Variants in RAB1A observed in about 807,000 individuals in gnomAD.
RAB1A encodes the protein RAB1A, member RAS oncogene family.
A neutral mutation model predicts 26.0 loss-of-function variants in RAB1A; 2 were observed. The observed-to-expected ratio is 0.08, with a 90% CI of 0.03 to 0.24. The LOEUF (loss-of-function observed/expected upper bound fraction) is 0.24, where lower values mean the gene tolerates loss of function less well. Among genes scored for constraint, RAB1A ranks in the 10% least tolerant of loss-of-function variants. The pLI is 1.00. For synonymous variants in RAB1A, 84 were observed against 84.9 expected (o/e 0.99, Z 0.06); for missense variants, 100 against 247.0 (o/e 0.40, Z 3.99).
chr2:65,113,537 A>C (rs1036956237), intron 1 of RAB1A, among the ~76,000 whole-genome samples: 27 of 152,308 alleles, frequency 1.8e-4, no homozygotes, highest in African/African-American at 5.8e-4. Flanking sequence ...AAAAAATATA[A>C]AAATTAAAAG....
In RAB1A at chr2:65,105,985, C is replaced by G. The variant is rs371155634; in HGVS notation, c.24-1179G>C. 2.6e-5 allele frequency among the ~76,000 whole-genome samples: 4 copies of G among 152,170 alleles called. No homozygotes were observed. The East Asian group carries it at 7.7e-4, about 29-fold the overall frequency. On this transcript the variant is annotated intron_variant, in intron 1 of 5. Transcript: ENST00000409784. ...CCGTGTTGGCCAGGATGGTCTCGATCTCCTGACCTCATGATCTGCCCGCCT... is the reference window on the plus strand; with the variant it reads ...CCGTGTTGGCCAGGATGGTCTCGATGTCCTGACCTCATGATCTGCCCGCCT...
At chr2:65,105,513 A>T (rs1442305024) in intron 1 of RAB1A, 1 of 115,212 alleles carries the variant, frequency 8.7e-6, no homozygotes, top group African/African-American at 4.7e-5. Context: ...CTCTGTCTCA[A>T]AAAAAAAAAA....
At chr2:65,090,059 A>G (rs1000282689) in intron 4 of RAB1A, among the ~76,000 whole-genome samples, 2 of 152,210 alleles carry the variant, frequency 1.3e-5, no homozygotes, top group Non-Finnish European at 2.9e-5. Flanking sequence ...ACTACTAGAG[A>G]TGTCAAAAGA....
At chr2:65,101,898 C>A (rs984290337) in intron 2 of RAB1A, among the ~76,000 whole-genome samples, 1 of 151,816 alleles carries the variant, frequency 6.6e-6, no homozygotes, top group South Asian at 2.1e-4. Flanking sequence ...TACAGGCATG[C>A]GCCACCACAT....
At chr2:65,126,658 T>C (rs1162442063) in intron 1 of RAB1A, among the ~76,000 whole-genome samples, 2 of 152,080 alleles carry the variant, frequency 1.3e-5, no homozygotes, top group South Asian at 2.1e-4. Context: ...ACATCTGGAG[T>C]ACATTTGTAA....
At chr2:65,109,137 G>A (rs778986902) in intron 1 of RAB1A, among the ~76,000 whole-genome samples, 5 of 152,112 alleles carry the variant, frequency 3.3e-5, no homozygotes, top group African/African-American at 4.8e-5. Flanking sequence ...CTGAATATTC[G>A]TGAGAATTCA....
chr2:65,119,841 CAAAAAAAA>C (rs1178958164), intron 1 of RAB1A, among the ~76,000 whole-genome samples: 250 of 36,434 alleles, frequency 6.9e-3, no homozygotes, highest in African/African-American at 0.023. Context: ...CCTGTCTCTA[CAAAAAAAA>C]AAAAAAAAAA....
chr2:65,110,515 C>G (rs1192614233), intron 1 of RAB1A, among the ~76,000 whole-genome samples: 3 of 150,824 alleles, frequency 2.0e-5, no homozygotes, highest in Non-Finnish European at 4.4e-5. Context: ...GATTATAACT[C>G]ACAAAATAAA....
chr2:65,122,429 G>A (rs912048864), intron 1 of RAB1A, among the ~76,000 whole-genome samples: 5 of 149,554 alleles, frequency 3.3e-5, no homozygotes, highest in South Asian at 2.1e-4. Context: ...GTGGTGGCAC[G>A]CGCTTGTATT....
At chr2:65,128,725 C>T (rs1157883898) in intron 1 of RAB1A, among the ~76,000 whole-genome samples, 1 of 152,166 alleles carries the variant, frequency 6.6e-6, no homozygotes, top group African/African-American at 2.4e-5. Flanking sequence ...ATAAACTCAA[C>T]TTTTACAACA....
intron 3 of RAB1A, among the ~76,000 whole-genome samples, chr2:65,097,000 AG>A (rs760614158): frequency 6.6e-6 from 1 of 152,222 alleles, no homozygotes; most frequent in Non-Finnish European, 1.5e-5. Context: ...ACTGGGTCTC[AG>A]GGTTACTTCG....
intron 1 of RAB1A, among the ~76,000 whole-genome samples, chr2:65,116,331 G>A (rs944964905): frequency 2.6e-5 from 4 of 152,020 alleles, no homozygotes; most frequent in Non-Finnish European, 4.4e-5. Flanking sequence ...GGGTGTCAAC[G>A]TTCTCTACCT....
intron 2 of RAB1A, among the ~76,000 whole-genome samples, chr2:65,101,498 T>C (rs1008487180): frequency 3.9e-5 from 6 of 152,278 alleles, no homozygotes; most frequent in East Asian, 1.9e-4. Context: ...CCAGGTATTA[T>C]TGGAAAACCT....
At chr2:65,094,311 G>A (rs969320047) in intron 3 of RAB1A, among the ~76,000 whole-genome samples, 3 of 152,122 alleles carry the variant, frequency 2.0e-5, no homozygotes, top group South Asian at 2.1e-4. Flanking sequence ...TCGGCCAGGC[G>A]CCGTGGCTCA....
intron 1 of RAB1A, among the ~76,000 whole-genome samples, chr2:65,124,078 C>T (rs1337895705): frequency 6.6e-6 from 1 of 151,772 alleles, no homozygotes; most frequent in Admixed American, 6.6e-5. Flanking sequence ...CCTCTTTTTC[C>T]CAGATTCAAG....
At chr2:65,120,829 T>C (rs1669947148) in intron 1 of RAB1A, among the ~76,000 whole-genome samples, 1 of 152,146 alleles carries the variant, frequency 6.6e-6, no homozygotes, top group Non-Finnish European at 1.5e-5. Flanking sequence ...AGTACTATTA[T>C]TATACAAAGG....
intron 1 of RAB1A, among the ~76,000 whole-genome samples, chr2:65,112,926 G>A (rs1227703556): frequency 6.6e-6 from 1 of 152,104 alleles, no homozygotes; most frequent in Non-Finnish European, 1.5e-5. Flanking sequence ...CTGATGACAG[G>A]GCCAGGCACG....
chr2:65,120,455 CAAAAAAAAA>C (rs67617654), intron 1 of RAB1A, among the ~76,000 whole-genome samples: 2 of 56,654 alleles, frequency 3.5e-5, no homozygotes, highest in Non-Finnish European at 7.5e-5. Context: ...CACCTTGTCT[CAAAAAAAAA>C]AAAAAAAAAA....
intron 1 of RAB1A, among the ~76,000 whole-genome samples, chr2:65,117,823 A>G (rs573495436): frequency 3.3e-5 from 5 of 151,684 alleles, no homozygotes; most frequent in African/African-American, 1.2e-4. Flanking sequence ...TACCCACCTC[A>G]GCCTCCGAAA....
Sources: gnomAD v4.1 joint callset for allele counts (sites outside exome capture counted in the v4.1 genomes callset) on GRCh38, gnomAD v4.1.1 for gene constraint, MANE v1.5 for transcripts, NCBI Gene and HGNC (gene_info 2026-07-23, HGNC 2026-07-21) for gene names.